The following GINS1 variants were observed in gnomAD, a reference collection of about 807,000 sequenced individuals.
GINS1 encodes DNA replication complex GINS protein PSF1.
Under a neutral mutation model 34.9 loss-of-function variants are expected in GINS1, and 26 were observed. The ratio of observed to expected loss-of-function variants is 0.74; its 90% CI spans 0.55 to 1.03. The LOEUF is 1.03. Among genes scored for constraint, GINS1 ranks in the 50% least tolerant of loss-of-function variants. GINS1 has a pLI of 0.00. For synonymous variants in GINS1, 97 were observed against 84.4 expected (o/e 1.15, Z -0.82); for missense variants, 235 against 237.9 (o/e 0.99, Z 0.08).
At chr20:25,407,966 C>T in intron 1 of GINS1, 71 bp downstream of exon 1, 2 of 1,148,088 alleles carry the variant, frequency 1.7e-6, no homozygotes, top group African/African-American at 1.5e-5. Context: ...GGCGGCTCCC[C>T]GTCAGGGTTC....
intron 4 of GINS1, among the ~76,000 whole-genome samples, chr20:25,420,114 C>A (rs1313471872): frequency 1.3e-5 from 2 of 151,958 alleles, no homozygotes; most frequent in African/African-American, 4.8e-5. Flanking sequence ...TGAAATATAA[C>A]AATGTTAACA....
chr20:25,441,773 C>G lies in GINS1; in HGVS notation c.519C>G (p.Ser173Arg). 6.8e-7 allele frequency: 1 copy of G among 1,472,928 alleles called. No individual in the cohort carries two copies. Among genetic ancestry groups the G allele is most frequent in the Admixed American group, 1.8e-5 (1 of 55,540 alleles). The allele number at this position is 1,472,928 out of a possible 1,614,324, so 91.2% of individuals were successfully genotyped here. A position where few individuals can be genotyped will look rare whatever the true frequency, so the allele number is the denominator to read the frequency against. Residue 173 changes from serine (S) to arginine (R), a missense_variant, in exon 6 of 7, where the codon AGC becomes AGG. By Grantham distance (110) the Ser-to-Arg change is moderately radical. Coordinates refer to ENST00000262460, the MANE Select transcript of GINS1 (RefSeq NM_021067.5). ...CTTCAGTCCTATTAAAAAAAAATAGCCAGGTATTTCTTATCTTCAGATTCT... is the reference window on the plus strand; with the variant it reads ...CTTCAGTCCTATTAAAAAAAAATAGGCAGGTATTTCTTATCTTCAGATTCT... ...DGTSVLLKKNSQHFLPRWKCE... is the reference protein window; with the variant it reads ...DGTSVLLKKNRQHFLPRWKCE...
chr20:25,414,617 T>C (rs1004136469), intron 2 of GINS1, among the ~76,000 whole-genome samples: 9 of 152,122 alleles, frequency 5.9e-5, no homozygotes, highest in Admixed American at 5.9e-4. Context: ...AGAGGCTTGC[T>C]TGAGTGCAGG....
intron 5 of GINS1, among the ~76,000 whole-genome samples, chr20:25,437,009 G>C (rs968418515): frequency 6.6e-6 from 1 of 152,132 alleles, no homozygotes; most frequent in African/African-American, 2.4e-5. Flanking sequence ...CTGTCGCTGT[G>C]CTTAGAATCA....
At chr20:25,442,439 A>G (rs2090487343) in intron 6 of GINS1, among the ~76,000 whole-genome samples, 1 of 152,020 alleles carries the variant, frequency 6.6e-6, no homozygotes, top group South Asian at 2.1e-4. Context: ...GCTAGTCTCA[A>G]ACTCTCCTGG....
At chr20:25,411,094 A>T (rs141965485) in intron 1 of GINS1, 1 of 152,374 alleles carries the variant, frequency 6.6e-6, no homozygotes, top group East Asian at 1.9e-4. Flanking sequence ...CCTGGGCAAC[A>T]TAGTGAGACC....
chr20:25,417,072 A>G (rs370424052), intron 2 of GINS1, 32 bp from the exon 3 acceptor site: 23 of 960,004 alleles, frequency 2.4e-5, no homozygotes, highest in East Asian at 4.8e-5. Flanking sequence ...TGAAAAGTAC[A>G]TATTTTTTTT....
intron 5 of GINS1, among the ~76,000 whole-genome samples, chr20:25,440,308 G>C (rs1253491316): frequency 6.6e-6 from 1 of 151,924 alleles, no homozygotes; most frequent in African/African-American, 2.4e-5. Context: ...GTCAGTATTG[G>C]GATTTTTAAA....
intron 5 of GINS1, among the ~76,000 whole-genome samples, chr20:25,436,819 T>G (rs1383823952): frequency 6.6e-6 from 1 of 152,242 alleles, no homozygotes; most frequent in Non-Finnish European, 1.5e-5. Flanking sequence ...TTCTTATTTT[T>G]CTTTTTCCTT....
At chr20:25,432,388 C>T (rs527926224) in intron 5 of GINS1, among the ~76,000 whole-genome samples, 19 of 152,020 alleles carry the variant, frequency 1.2e-4, no homozygotes, top group African/African-American at 4.1e-4. Context: ...CTGCAACCTC[C>T]GCCTCCCGAG....
At chr20:25,428,397 C>A (rs910640341) in intron 5 of GINS1, among the ~76,000 whole-genome samples, 3 of 66,568 alleles carry the variant, frequency 4.5e-5, no homozygotes, top group East Asian at 3.8e-4. Flanking sequence ...AGCATAATTT[C>A]TTTTTTTTTT....
intron 5 of GINS1, among the ~76,000 whole-genome samples, chr20:25,429,435 A>G (rs1330849378): frequency 6.6e-6 from 1 of 152,186 alleles, no homozygotes; most frequent in African/African-American, 2.4e-5. Context: ...TTAATATTAA[A>G]TCTTCCAATC....
chr20:25,434,428 A>G (rs2090443016), intron 5 of GINS1, among the ~76,000 whole-genome samples: 1 of 144,108 alleles, frequency 6.9e-6, no homozygotes, highest in Admixed American at 7.3e-5. Context: ...GGTAATTTCT[A>G]ACGAACAGTA....
At chr20:25,410,788 C>T (rs2090279730) in intron 1 of GINS1, among the ~76,000 whole-genome samples, 2 of 152,092 alleles carry the variant, frequency 1.3e-5, no homozygotes, top group South Asian at 4.1e-4. Context: ...GTCTCGAACT[C>T]CTGACCTCAG....
At chr20:25,413,068 T>C (rs1281371366) in intron 1 of GINS1, among the ~76,000 whole-genome samples, 1 of 152,092 alleles carries the variant, frequency 6.6e-6, no homozygotes, top group Non-Finnish European at 1.5e-5. Context: ...TTTTTTTTTT[T>C]TTTTCTTTGA....
chr20:25,428,258 T>C (rs187348710), intron 5 of GINS1, among the ~76,000 whole-genome samples: 6 of 152,220 alleles, frequency 3.9e-5, no homozygotes, highest in African/African-American at 1.4e-4. Flanking sequence ...TTTTGACCTG[T>C]ATTTCCTTCT....
intron 1 of GINS1, chr20:25,408,855 G>C: frequency 2.1e-6 from 2 of 941,054 alleles, no homozygotes; most frequent in Non-Finnish European, 2.5e-6. Context: ...ACTCTAAATT[G>C]TATATTTCAC....
At chr20:25,422,901 C>G (rs1010142469) in intron 4 of GINS1, among the ~76,000 whole-genome samples, 3 of 150,440 alleles carry the variant, frequency 2.0e-5, no homozygotes, top group African/African-American at 7.3e-5. Flanking sequence ...CTCAGCCTCC[C>G]AGCTATCTGG....
At chr20:25,419,077 A>G (rs140889082) in intron 4 of GINS1, among the ~76,000 whole-genome samples, 1 of 152,214 alleles carries the variant, frequency 6.6e-6, no homozygotes, top group Non-Finnish European at 1.5e-5. Flanking sequence ...AGAATTTAGA[A>G]GCTACCTCCC....
Sources: gnomAD v4.1 joint callset for allele counts (sites outside exome capture counted in the v4.1 genomes callset) on GRCh38, gnomAD v4.1.1 for gene constraint, MANE v1.5 for transcripts, NCBI Gene and HGNC (gene_info 2026-07-23, HGNC 2026-07-21) for gene names.